The following FMN1 variants were observed in gnomAD, a reference collection of about 807,000 sequenced individuals.
The protein encoded by FMN1 is formin-1.
A neutral mutation model predicts 132.4 loss-of-function variants in FMN1; 110 were observed. The ratio of observed to expected loss-of-function variants is 0.83; its 90% CI spans 0.71 to 0.97. The LOEUF is 0.97. Among genes scored for constraint, FMN1 ranks in the 50% least tolerant of loss-of-function variants. The pLI is 0.00. For synonymous variants in FMN1, 722 were observed against 651.7 expected (o/e 1.11, Z -1.64); for missense variants, 1,792 against 1,705.3 (o/e 1.05, Z -0.90).
rs2056255634 is a variant in FMN1, at chr15:32,771,794, G to A, written c.*2516C>T. The A allele has an allele frequency of 6.6e-6, 1 of 152,206 alleles. No homozygotes were observed. Among genetic ancestry groups the A allele is most frequent in the African/African-American group, 2.4e-5 (1 of 41,464 alleles). The allele number at this position is 152,206 out of a possible 1,614,324, so 9.4% of individuals were successfully genotyped here. ...CACAAGCTCAACAGCATTTTAGAGG[G>A]ATCATTTTCAAGGCCTCCAGATTAT... is the stretch of plus-strand genomic sequence containing the variant. On this transcript the variant is annotated 3_prime_UTR_variant, in exon 21 of 21. Coordinates refer to ENST00000616417, the MANE Select transcript of FMN1 (RefSeq NM_001277313.2).
intron 7 of FMN1, among the ~76,000 whole-genome samples, chr15:32,972,853 T>C (rs187618367): frequency 1.9e-3 from 291 of 152,332 alleles, no homozygotes; most frequent in African/African-American, 6.8e-3. Context: ...ATCCAACAGG[T>C]TGGAAAGTGA....
At chr15:32,880,319 CTA>C (rs1312580043) in intron 16 of FMN1, among the ~76,000 whole-genome samples, 2 of 152,050 alleles carry the variant, frequency 1.3e-5, no homozygotes. Context: ...AGTTTGTTTT[CTA>C]TGAGCTTAAC....
At chr15:32,859,438 A>G (rs956136878) in intron 16 of FMN1, among the ~76,000 whole-genome samples, 2 of 152,188 alleles carry the variant, frequency 1.3e-5, no homozygotes, top group African/African-American at 4.8e-5. Context: ...TCCCAGTTCC[A>G]TGTCTTCATT....
At chr15:32,880,569 T>C (rs1470668621) in intron 16 of FMN1, among the ~76,000 whole-genome samples, 1 of 152,222 alleles carries the variant, frequency 6.6e-6, no homozygotes, top group Non-Finnish European at 1.5e-5. Context: ...ACCTATGTCT[T>C]CCTCTTTAAT....
intron 17 of FMN1, among the ~76,000 whole-genome samples, chr15:32,856,201 T>C (rs181786288): frequency 7.9e-5 from 12 of 152,276 alleles, no homozygotes; most frequent in Admixed American, 1.3e-4. Flanking sequence ...TACTCAGTAA[T>C]AGAAAAAGCA....
intron 14 of FMN1, 129 bp downstream of exon 14, chr15:32,899,850 G>A: frequency 1.1e-6 from 1 of 891,674 alleles, no homozygotes; most frequent in Non-Finnish European, 1.7e-6. Context: ...AAAAATGCAT[G>A]CTCTAATATA....
chr15:33,173,680 G>A (rs978202682), intron 3 of FMN1, among the ~76,000 whole-genome samples: 14 of 152,240 alleles, frequency 9.2e-5, no homozygotes, highest in Non-Finnish European at 1.8e-4. Context: ...TGTAATCCCA[G>A]CACATTGGGA....
chr15:32,766,534 C>CG lies in FMN1; in HGVS notation c.*7775_*7776insC, dbSNP rs1160432234. 7.7e-6 allele frequency: 1 copy of CG among 130,070 alleles called. No individual in the cohort carries two copies. Among genetic ancestry groups the CG allele is most frequent in the African/African-American group, 3.0e-5 (1 of 33,792 alleles). 8.1% of individuals were successfully genotyped at this position (130,070 alleles called of 1,614,324 possible). Reference sequence around the variant, plus strand: ...TTGAGAAGGCCTAGAATAAGAACCCCCCCCCCACCCCGCCCAATCTTCTTA... The same window carrying CG: ...TTGAGAAGGCCTAGAATAAGAACCCCGCCCCCCACCCCGCCCAATCTTCTTA... On this transcript the variant is annotated 3_prime_UTR_variant, in exon 21 of 21. Coordinates refer to ENST00000616417, the MANE Select transcript of FMN1 (RefSeq NM_001277313.2).
intron 16 of FMN1, among the ~76,000 whole-genome samples, chr15:32,862,375 T>C (rs534906614): frequency 1.3e-5 from 2 of 152,328 alleles, no homozygotes; most frequent in South Asian, 2.1e-4. Context: ...ATTAAAAATA[T>C]ATTAATTTCC....
At chr15:33,098,441 T>G (rs982596002) in intron 4 of FMN1, among the ~76,000 whole-genome samples, 13 of 152,148 alleles carry the variant, frequency 8.5e-5, no homozygotes, top group African/African-American at 3.1e-4. Context: ...TCTCTAAAAC[T>G]AGGCACACAC....
intron 4 of FMN1, among the ~76,000 whole-genome samples, chr15:33,152,845 T>C (rs1473420873): frequency 1.4e-5 from 2 of 143,808 alleles, no homozygotes; most frequent in Admixed American, 6.9e-5. Context: ...GAAGCAACTA[T>C]ACCTCTGAAC....
chr15:32,850,030 T>TCGG (rs2058972826), intron 17 of FMN1, among the ~76,000 whole-genome samples: 1 of 152,220 alleles, frequency 6.6e-6, no homozygotes. Flanking sequence ...GAGATTATCT[T>TCGG]AATTCTTGGC....
At chr15:33,025,460 A>C (rs1204707586) in intron 6 of FMN1, among the ~76,000 whole-genome samples, 1 of 152,228 alleles carries the variant, frequency 6.6e-6, no homozygotes, top group Non-Finnish European at 1.5e-5. Flanking sequence ...AAAATTCTTC[A>C]AATACTGTCA....
At chr15:32,861,964 C>T (rs1351159614) in intron 16 of FMN1, among the ~76,000 whole-genome samples, 1 of 152,166 alleles carries the variant, frequency 6.6e-6, no homozygotes, top group Non-Finnish European at 1.5e-5. Context: ...TGCAGCCCCA[C>T]GGGCTGGGAT....
At chr15:32,790,892 G>T (rs4414465) in intron 19 of FMN1, among the ~76,000 whole-genome samples, 21,264 of 152,226 alleles carry the variant, frequency 0.14, 2,088 homozygotes, top group East Asian at 0.58. Flanking sequence ...AAGTTGGAAT[G>T]AATTAAATAC....
chr15:33,078,290 C>T (rs927721058), intron 5 of FMN1, among the ~76,000 whole-genome samples: 2 of 152,170 alleles, frequency 1.3e-5, no homozygotes, highest in Non-Finnish European at 2.9e-5. Flanking sequence ...ATAAATGTGA[C>T]CATCATTATT....
intron 16 of FMN1, among the ~76,000 whole-genome samples, chr15:32,867,616 C>T (rs2059421783): frequency 6.6e-6 from 1 of 152,108 alleles, no homozygotes; most frequent in South Asian, 2.1e-4. Context: ...ACGCCATTCT[C>T]CTGCCTCAGC....
rs2036904700 is a variant in FMN1 at position 33,050,202 on chromosome 15, T to TA, written c.2161+14754dup. Among the ~76,000 whole-genome samples, 3 of 152,350 alleles carry TA rather than the reference T, an allele frequency of 2.0e-5. No individual in the cohort carries two copies. The South Asian group carries it at 6.2e-4, about 32-fold the overall frequency. On this transcript the variant is annotated intron_variant, in intron 6 of 20. Coordinates refer to ENST00000616417, the MANE Select transcript of FMN1 (RefSeq NM_001277313.2). ...ATTTTGACTTACAATATTCTCAACT[T>TA]ATGTTTATCAGAACATAACCCTATT...
intron 17 of FMN1, among the ~76,000 whole-genome samples, chr15:32,816,974 G>A (rs995268203): frequency 1.3e-5 from 2 of 152,102 alleles, no homozygotes; most frequent in Admixed American, 1.3e-4. Context: ...TATTAGGCAT[G>A]GTCAGAGATT....
Sources: gnomAD v4.1 joint callset for allele counts (sites outside exome capture counted in the v4.1 genomes callset) on GRCh38, gnomAD v4.1.1 for gene constraint, MANE v1.5 for transcripts, NCBI Gene and HGNC (gene_info 2026-07-23, HGNC 2026-07-21) for gene names.